Variants in LRP1B observed in about 807,000 individuals in gnomAD.
The protein encoded by LRP1B is LDL receptor related protein 1B, also known as low-density lipoprotein receptor-related protein 1B.
In LRP1B, 217 loss-of-function variants were observed where a neutral mutation model predicts 556.6. That is an observed-to-expected ratio of 0.39 (90% confidence interval 0.35 to 0.44). LRP1B has a LOEUF of 0.44. Ranked by LOEUF, LRP1B falls within the 20% of genes least tolerant of loss-of-function variation. The probability of loss-of-function intolerance (pLI) is 1.00; values close to 1 mark genes in which losing one functional copy is unlikely to be tolerated. For missense variants in LRP1B, 5,053 were observed against 5,620.8 expected (o/e 0.90, Z 3.23); for synonymous variants, 2,047 against 1,865.8 (o/e 1.10, Z -2.50).
At chr2:140,423,491 C>G (rs1487645481) in intron 66 of LRP1B, among the ~76,000 whole-genome samples, 4 of 151,994 alleles carry the variant, frequency 2.6e-5, no homozygotes. Context: ...AATGGAGGTT[C>G]TCTTATAAGT....
intron 2 of LRP1B, among the ~76,000 whole-genome samples, chr2:141,769,374 C>T (rs1436623137): frequency 6.6e-6 from 1 of 152,040 alleles, no homozygotes; most frequent in Non-Finnish European, 1.5e-5. Flanking sequence ...CTTTAAAAGC[C>T]CTTTATAAAA....
chr2:140,731,134 G>A (rs1160577906), intron 35 of LRP1B, among the ~76,000 whole-genome samples: 3 of 152,090 alleles, frequency 2.0e-5, no homozygotes, highest in Non-Finnish European at 4.4e-5. Context: ...TTCTTCCTCT[G>A]CCAGGAAACC....
chr2:141,816,228 T>G (rs1696541729), intron 1 of LRP1B, among the ~76,000 whole-genome samples: 1 of 152,164 alleles, frequency 6.6e-6, no homozygotes, highest in Admixed American at 6.5e-5. Context: ...ATGCAAAGTA[T>G]TGTTCCTGGG....
Position 141,537,575 on chromosome 2 carries a change from T to C in LRP1B, c.206-57042A>G, listed in dbSNP as rs575865993. On this transcript the variant is annotated intron_variant, in intron 2 of 90. Transcript: ENST00000389484. ...ATAAAACTGTGTAACTTTAGGTAAATCACTTCATCTATTTGAATTTCTATT... is the reference window on the plus strand; with the variant it reads ...ATAAAACTGTGTAACTTTAGGTAAACCACTTCATCTATTTGAATTTCTATT... Among the ~76,000 whole-genome samples, 292 of 152,246 alleles carry C rather than the reference T, an allele frequency of 1.9e-3. 1 individual carries two copies. The highest frequency in any genetic ancestry group is 6.4e-3 in the African/African-American group (266 of 41,566).
chr2:141,314,840 A>ATGTG, intron 3 of LRP1B, among the ~76,000 whole-genome samples: 1 of 131,530 alleles, frequency 7.6e-6, no homozygotes, highest in East Asian at 2.2e-4. Flanking sequence ...GTATATATAT[A>ATGTG]TATACACATA....
At chr2:141,191,649 A>C (rs992275184) in intron 6 of LRP1B, among the ~76,000 whole-genome samples, 1 of 147,994 alleles carries the variant, frequency 6.8e-6, no homozygotes, top group Non-Finnish European at 1.5e-5. Context: ...TAAAATCATA[A>C]ATATTTAAAT....
chr2:141,822,157 A>ATAATAG (rs1553469398), intron 1 of LRP1B, among the ~76,000 whole-genome samples: 1 of 150,838 alleles, frequency 6.6e-6, no homozygotes, highest in Non-Finnish European at 1.5e-5. Context: ...AGAGAGAGAG[A>ATAATAG]TAATAGTAAA....
At chr2:141,035,514 A>G (rs1053786200) in intron 11 of LRP1B, among the ~76,000 whole-genome samples, 1 of 152,074 alleles carries the variant, frequency 6.6e-6, no homozygotes, top group Non-Finnish European at 1.5e-5. Context: ...CAACCACTTG[A>G]TATTTTCAGA....
chr2:141,154,184 T>A (rs772937461), intron 7 of LRP1B, among the ~76,000 whole-genome samples: 17 of 151,870 alleles, frequency 1.1e-4, no homozygotes, highest in Non-Finnish European at 2.1e-4. Context: ...AAGAATGAAG[T>A]TGAATGTGTT....
chr2:140,823,520 C>T (rs570561024), intron 31 of LRP1B, among the ~76,000 whole-genome samples: 12 of 151,954 alleles, frequency 7.9e-5, no homozygotes, highest in Non-Finnish European at 1.3e-4. Flanking sequence ...TATTTTTTCA[C>T]ACATTCATAT....
At chr2:141,106,897 A>G (rs1025397657) in intron 7 of LRP1B, among the ~76,000 whole-genome samples, 5 of 152,194 alleles carry the variant, frequency 3.3e-5, no homozygotes, top group African/African-American at 1.2e-4. Context: ...TTATTACATG[A>G]GAAAGAATAT....
At chr2:141,088,824 G>C (rs1274965498) in intron 7 of LRP1B, among the ~76,000 whole-genome samples, 1 of 152,108 alleles carries the variant, frequency 6.6e-6, no homozygotes, top group Non-Finnish European at 1.5e-5. Flanking sequence ...ATGTCAAAAT[G>C]GCTCAGGATA....
At chr2:140,505,381 A>G (rs1689366361) in intron 53 of LRP1B, among the ~76,000 whole-genome samples, 1 of 152,184 alleles carries the variant, frequency 6.6e-6, no homozygotes, top group South Asian at 2.1e-4. Flanking sequence ...CTAGCATTAC[A>G]CAGGATTTCC....
At chr2:140,319,466 G>C (rs1679971961) in intron 82 of LRP1B, among the ~76,000 whole-genome samples, 1 of 152,104 alleles carries the variant, frequency 6.6e-6, no homozygotes, top group Non-Finnish European at 1.5e-5. Context: ...CTACAGAAAA[G>C]TTGTCGACAG....
rs2105258945 is a variant in LRP1B at position 140,923,134 on chromosome 2, A to G, written c.3150T>C (p.Pro1050=). The G allele has an allele frequency of 6.2e-7, 1 of 1,611,996 alleles. No homozygotes were observed. Among genetic ancestry groups the G allele is most frequent in the Non-Finnish European group, 8.5e-7 (1 of 1,178,780 alleles). ...INCTKEEIHS[P]AGCNGNEFQC... The stretch of plus-strand genomic sequence containing the variant: ...GAAATTCATTTCCGTTACAACCAGC[A>G]GGAGAATGAATCTCTTAATTTGAAA... Residue 1050 remains proline, a synonymous_variant, in exon 21 of 91, where the codon CCT becomes CCC. Transcript: ENST00000389484.
rs190637133 is a variant in LRP1B, at chr2:140,324,678, A to C, written c.12341-612T>G. 4.2e-3 allele frequency among the ~76,000 whole-genome samples: 637 copies of C among 152,128 alleles called. 3 individuals carry two copies. Among genetic ancestry groups the C allele is most frequent in the Middle Eastern group, 6.8e-3 (2 of 292 alleles). ...TGATTTATTTTCAGAGATTTTATAG[A>C]ATAATTATTCTAACTTTTGAAACTG... is the stretch of plus-strand genomic sequence containing the variant. On this transcript the variant is annotated intron_variant, in intron 80 of 90. Coordinates refer to ENST00000389484, the MANE Select transcript of LRP1B (RefSeq NM_018557.3).
intron 2 of LRP1B, among the ~76,000 whole-genome samples, chr2:141,646,073 C>G (rs1005046737): frequency 1.3e-5 from 2 of 152,102 alleles, no homozygotes; most frequent in African/African-American, 4.8e-5. Context: ...GTGCTGATAT[C>G]TTACACAATT....
In LRP1B at chr2:142,130,164, GC is replaced by G. The variant is rs1707801679; in HGVS notation, c.82+483del. The stretch of plus-strand genomic sequence containing the variant: ...GGAAGGGGCTATAGAAACGAAAGGG[GC>G]CTGAATCGGCGCTTTCGCCGCTCCA... On this transcript the variant is annotated intron_variant, in intron 1 of 90. Transcript: ENST00000389484. Among the ~76,000 whole-genome samples, 6 of 152,194 alleles carry G rather than the reference GC, an allele frequency of 3.9e-5. No individual in the cohort carries two copies. In the South Asian group the frequency reaches 1.2e-3, roughly 31 times the overall value.
At chr2:141,201,472 C>A (rs939544033) in intron 6 of LRP1B, among the ~76,000 whole-genome samples, 6 of 152,082 alleles carry the variant, frequency 3.9e-5, no homozygotes, top group Non-Finnish European at 8.8e-5. Flanking sequence ...TTTACTGACA[C>A]CTAGTCCACG....
Sources: gnomAD v4.1 joint callset for allele counts (sites outside exome capture counted in the v4.1 genomes callset) on GRCh38, gnomAD v4.1.1 for gene constraint, MANE v1.5 for transcripts, NCBI Gene and HGNC (gene_info 2026-07-23, HGNC 2026-07-21) for gene names.